Variants in GTF2H1 observed in about 807,000 individuals in gnomAD.
The protein encoded by GTF2H1 is general transcription factor IIH subunit 1.
GTF2H1 carries 16 observed loss-of-function variants against 71.2 expected under a neutral mutation model. The observed-to-expected ratio is 0.22, with a 90% CI of 0.15 to 0.34. The LOEUF (loss-of-function observed/expected upper bound fraction) is 0.34, where lower values mean the gene tolerates loss of function less well. Among genes scored for constraint, GTF2H1 ranks in the 10% least tolerant of loss-of-function variants. The pLI is 1.00. For missense variants in GTF2H1, 498 were observed against 648.2 expected (o/e 0.77, Z 2.52); for synonymous variants, 215 against 219.0 (o/e 0.98, Z 0.16).
chr11:18,361,083 A>G (rs956051834), intron 14 of GTF2H1, among the ~76,000 whole-genome samples: 6 of 152,112 alleles, frequency 3.9e-5, no homozygotes, highest in Non-Finnish European at 7.4e-5. Context: ...GATTACAGGC[A>G]TGAGCCACTG....
At chr11:18,334,209 C>T in intron 2 of GTF2H1, among the ~76,000 whole-genome samples, 1 of 152,174 alleles carries the variant, frequency 6.6e-6, no homozygotes, top group East Asian at 1.9e-4. Context: ...GAAACCCCAT[C>T]TCTACTAAAC....
chr11:18,337,617 G>A (rs576961445), intron 3 of GTF2H1, among the ~76,000 whole-genome samples: 17 of 151,978 alleles, frequency 1.1e-4, no homozygotes, highest in South Asian at 6.2e-4. Flanking sequence ...ATAACAGTAC[G>A]ATAATTAAAC....
intron 13 of GTF2H1, among the ~76,000 whole-genome samples, chr11:18,360,095 G>A (rs1865661075): frequency 6.6e-6 from 1 of 151,782 alleles, no homozygotes; most frequent in Non-Finnish European, 1.5e-5. Context: ...ATAAATGAAT[G>A]AGTGACTATT....
chr11:18,325,398 CTTA>C (rs1291803826), intron 1 of GTF2H1, among the ~76,000 whole-genome samples: 2 of 152,176 alleles, frequency 1.3e-5, no homozygotes, highest in African/African-American at 4.8e-5. Context: ...GCAAAGATTC[CTTA>C]TTATGTCTTA....
rs372368803 is a variant in GTF2H1, at chr11:18,341,354, G to A, written c.701G>A (p.Arg234Gln). Residue 234 changes from arginine (R) to glutamine (Q), a missense_variant, in exon 6 of 15, where the codon CGG (arginine) becomes CAG (glutamine). This residue lies in a region of GTF2H1 where 216 missense variants were observed against 306.2 expected (regional missense o/e 0.71). Transcript: ENST00000265963. ...FFQSHYFHRD[R>Q]LNTGSKDLFA... Reference sequence around the variant, plus strand: ...CAGTCCCATTATTTTCACAGGGATCGGCTGAATACAGGGTCAAAGGATCTC... The same window carrying A: ...CAGTCCCATTATTTTCACAGGGATCAGCTGAATACAGGGTCAAAGGATCTC... The A allele has an allele frequency of 2.9e-5, 46 of 1,613,790 alleles. No individual in the cohort carries two copies. The highest frequency in any genetic ancestry group is 5.0e-5 in the Admixed American group (3 of 59,992).
At chr11:18,352,471 G>T in intron 11 of GTF2H1, 25 bp downstream of exon 11, 1 of 887,812 alleles carries the variant, frequency 1.1e-6, no homozygotes, top group Non-Finnish European at 1.9e-6. Context: ...CTGTTTGAAG[G>T]CCAGAATTCC....
At chr11:18,347,963 C>T (rs746260754) in intron 9 of GTF2H1, 44 bp downstream of exon 9, 15 of 1,245,398 alleles carry the variant, frequency 1.2e-5, no homozygotes, top group Non-Finnish European at 1.5e-5. Flanking sequence ...CAAGTTTCTC[C>T]AAATACTTTA....
Position 18,351,965 on chromosome 11 carries a change from G to T in GTF2H1, c.1138G>T (p.Asp380Tyr). Residue 380 changes from aspartate to tyrosine, a missense_variant, in exon 10 of 15, where the codon GAT (aspartate) becomes TAT (tyrosine). Asp to Tyr is a radical substitution (Grantham distance 160). Around this residue, in one of 3 missense-constraint regions of GTF2H1, gnomAD observed 266 missense variants for 301.6 expected, o/e 0.88. Transcript: ENST00000265963. ...KTIALNLKKS[D>Y]RYYHGPTPIQ... Reference sequence around the variant, plus strand: ...GATTGCACTAAACCTCAAGAAGTCAGATAGGTAAGTTTGGTCAATATTAAG... The same window carrying T: ...GATTGCACTAAACCTCAAGAAGTCATATAGGTAAGTTTGGTCAATATTAAG... 6.4e-7 allele frequency: 1 copy of T among 1,559,208 alleles called. No homozygotes were observed. The highest frequency in any genetic ancestry group is 1.1e-5 in the South Asian group (1 of 89,916).
Position 18,361,376 on chromosome 11 carries a change from T to A in GTF2H1, c.1560+669T>A, listed in dbSNP as rs148293292. Among the ~76,000 whole-genome samples, 503 of 152,128 alleles carry A rather than the reference T, an allele frequency of 3.3e-3. 5 individuals are homozygous for A. The highest frequency in any genetic ancestry group is 0.011 in the African/African-American group (470 of 41,528). On this transcript the variant is annotated intron_variant, in intron 14 of 14. Transcript: ENST00000265963. ...CTCCATGCTTTCCCTTAGAAAAGTT[T>A]TACAATCTGGCCGGGTGCGGTGGCT...
At chr11:18,336,287 C>T (rs183672543) in intron 3 of GTF2H1, among the ~76,000 whole-genome samples, 26 of 152,040 alleles carry the variant, frequency 1.7e-4, no homozygotes, top group Admixed American at 9.2e-4. Context: ...CCACCATGCC[C>T]GGCTAATTTT....
intron 11 of GTF2H1, among the ~76,000 whole-genome samples, chr11:18,353,537 C>T (rs1865475127): frequency 1.3e-5 from 2 of 152,238 alleles, no homozygotes; most frequent in African/African-American, 4.8e-5. Context: ...ATTCCCTTAG[C>T]CCTGTTTCTC....
At chr11:18,323,706 A>G (rs1156241781) in intron 1 of GTF2H1, among the ~76,000 whole-genome samples, 2 of 152,314 alleles carry the variant, frequency 1.3e-5, no homozygotes, top group East Asian at 1.9e-4. Context: ...CTGGAACCCA[A>G]TATATAAAGC....
rs1299786387 is a variant in GTF2H1 at position 18,366,145 on chromosome 11, A to G, written c.*276A>G. 1.7e-5 allele frequency: 6 copies of G among 346,668 alleles called. No individual in the cohort carries two copies. Among genetic ancestry groups the G allele is most frequent in the East Asian group, 4.5e-5 (1 of 22,322 alleles). 21.5% of individuals were successfully genotyped at this position (346,668 alleles called of 1,614,324 possible). A position where few individuals can be genotyped will look rare whatever the true frequency, so the allele number is the denominator to read the frequency against. ...CACACACACATATATGTACATGTGTATGTACATATATATTTTAAAAGACTG... is the reference window on the plus strand; with the variant it reads ...CACACACACATATATGTACATGTGTGTGTACATATATATTTTAAAAGACTG... On this transcript the variant is annotated 3_prime_UTR_variant, in exon 15 of 15. Transcript: ENST00000265963.
chr11:18,336,752 T>C (rs1381381215), intron 3 of GTF2H1, among the ~76,000 whole-genome samples: 2 of 135,460 alleles, frequency 1.5e-5, no homozygotes, highest in Non-Finnish European at 3.2e-5. Context: ...TGTAAAATAA[T>C]GAGAATTTTT....
chr11:18,360,057 G>A lies in GTF2H1; in HGVS notation c.1468-558G>A, dbSNP rs559301989. On this transcript the variant is annotated intron_variant, in intron 13 of 14. Coordinates refer to ENST00000265963, the MANE Select transcript of GTF2H1 (RefSeq NM_005316.4). ...CCACTGCACTCCAGCCTGGGTGACA[G>A]AATGAGACCCTGTCTCTAAATGAAT... Among the ~76,000 whole-genome samples the A allele has an allele frequency of 1.1e-4, 17 of 152,166 alleles. No homozygotes were observed. In the South Asian group the frequency reaches 3.1e-3, roughly 28 times the overall value.
intron 7 of GTF2H1, among the ~76,000 whole-genome samples, chr11:18,345,604 T>C (rs1333941857): frequency 6.6e-6 from 1 of 151,072 alleles, no homozygotes; most frequent in Non-Finnish European, 1.5e-5. Flanking sequence ...GTTCAAGCAC[T>C]TCTCCTCCCT....
At chr11:18,347,497 C>T in intron 7 of GTF2H1, 91 bp from the exon 8 acceptor site, 7 of 800,046 alleles carry the variant, frequency 8.7e-6, no homozygotes, top group South Asian at 2.6e-5. Flanking sequence ...ATAAAAGTCC[C>T]ATCATCCAGC....
intron 7 of GTF2H1, among the ~76,000 whole-genome samples, chr11:18,343,199 G>A (rs771902907): frequency 9.2e-5 from 14 of 152,230 alleles, no homozygotes; most frequent in African/African-American, 2.4e-4. Flanking sequence ...AGGGATTACA[G>A]ATGTGAGCCA....
rs757059566 is a variant in GTF2H1 at position 18,358,587 on chromosome 11, C to T, written c.1414C>T (p.Leu472=). Reference sequence around the variant, plus strand: ...CTTATATGTAGCTGTTGGAGAACTTCTACGACATTTCTGGTCCTGCTTTCC... The same window carrying T: ...CTTATATGTAGCTGTTGGAGAACTTTTACGACATTTCTGGTCCTGCTTTCC... ...KHLYVAVGEL[L]RHFWSCFPVN... is the part of the protein sequence containing the mutation. Residue 472 remains leucine, a synonymous_variant, in exon 13 of 15, where the codon CTA becomes TTA. Coordinates refer to ENST00000265963, the MANE Select transcript of GTF2H1 (RefSeq NM_005316.4). 3 of 1,613,054 alleles carry T rather than the reference C, an allele frequency of 1.9e-6. No homozygotes were observed. The Admixed American group carries it at 5.0e-5, about 27-fold the overall frequency.
Sources: gnomAD v4.1 joint callset for allele counts (sites outside exome capture counted in the v4.1 genomes callset) on GRCh38, gnomAD v4.1.1 for gene constraint, gnomAD v4.1.1 regional missense constraint, MANE v1.5 for transcripts, NCBI Gene and HGNC (gene_info 2026-07-23, HGNC 2026-07-21) for gene names.